TCAF2: variants seen among roughly 807,000 people sequenced by gnomAD.
TCAF2 encodes TRPM8 channel associated factor 2, also known as TRPM8 channel-associated factor 2.
A neutral mutation model predicts 33.9 loss-of-function variants in TCAF2; 6 were observed. The ratio of observed to expected loss-of-function variants is 0.18; its 90% confidence interval spans 0.10 to 0.35. The LOEUF (loss-of-function observed/expected upper bound fraction) is 0.35, where lower values mean the gene tolerates loss of function less well. TCAF2 is among the 10% of genes least tolerant of loss of function. The probability of loss-of-function intolerance (pLI) is 1.00; values close to 1 mark genes in which losing one functional copy is unlikely to be tolerated. For missense variants in TCAF2, 109 were observed against 604.0 expected, an observed-to-expected ratio of 0.18 and a Z score of 8.59; for synonymous variants, 41 against 247.8, an observed-to-expected ratio of 0.17 and a Z score of 7.84.
intron 7 of TCAF2, 172 bp downstream of exon 7, chr7:143,724,869 C>G: frequency 1.4e-6 from 2 of 1,475,736 alleles, no homozygotes; most frequent in South Asian, 2.9e-5. Flanking sequence ...TTATACCCCT[C>G]TAAGGCAGAG....
At position 143,721,098 on chromosome 7, in the gene TCAF2, G is replaced by A. The variant is rs1181011373; in HGVS notation, c.1616-183G>A. The stretch of plus-strand genomic sequence containing the variant: ...CCCAGCTGACTCCATTCTTCATCAG[G>A]TACTTTCAAGAAGATGGGGATTGGG... On this transcript the variant is annotated intron_variant, in intron 3 of 7. Transcript: ENST00000684770. 7 of 368,212 alleles carry A rather than the reference G, an allele frequency of 1.9e-5. 2 individuals carry two copies. The highest frequency in any genetic ancestry group is 1.7e-4 in the Admixed American group (3 of 18,134). The allele number at this position is 368,212 out of a possible 1,614,324, so 22.8% of individuals were successfully genotyped here.
In TCAF2 at chr7:143,729,767, C is replaced by A. The variant is rs1809772767; in HGVS notation, c.*2100C>A. The A allele has an allele frequency of 6.6e-6, 1 of 152,136 alleles. No individual in the cohort carries two copies. Among genetic ancestry groups the A allele is most frequent in the Non-Finnish European group, 1.5e-5 (1 of 68,024 alleles). 9.4% of individuals were successfully genotyped at this position (152,136 alleles called of 1,614,324 possible). A position where few individuals can be genotyped will look rare whatever the true frequency, so the allele number is the denominator to read the frequency against. ...CTAATGCTCTCCCTCCCATTGCCCC[C>A]AACCTCCCGACAGGCCCCAGTGTGA... On this transcript the variant is annotated 3_prime_UTR_variant, in exon 8 of 8. Transcript: ENST00000684770.
At chr7:143,718,748 GTGT>G (rs1563174354) in intron 2 of TCAF2, among the ~76,000 whole-genome samples, 1 of 90,618 alleles carries the variant, frequency 1.1e-5, no homozygotes, top group Non-Finnish European at 2.2e-5. Flanking sequence ...TTCAAGCGTA[GTGT>G]TAAACAATTT....
In TCAF2 at chr7:143,646,594, C is replaced by T. The variant is rs1445167880; in HGVS notation, c.-12+25574C>T. 6.1e-6 allele frequency: 2 copies of T among 328,614 alleles called. 1 individual carries two copies. The highest frequency in any genetic ancestry group is 7.6e-6 in the Non-Finnish European group (2 of 264,650). 20.4% of individuals were successfully genotyped at this position (328,614 alleles called of 1,614,324 possible). A position where few individuals can be genotyped will look rare whatever the true frequency, so the allele number is the denominator to read the frequency against. ...GTACCTGCAATGTCCTGTGTAGTGT[C>T]AGCCAATCCCACTTTCCCCTACATC... On this transcript the variant is annotated intron_variant, in intron 1 of 7. Transcript: ENST00000684770.
rs907426104 is a variant in TCAF2 at position 143,727,977 on chromosome 7, G to A, written c.*310G>A. 1 of 163,474 alleles carries A rather than the reference G, an allele frequency of 6.1e-6. No homozygotes were observed. Among genetic ancestry groups the A allele is most frequent in the Admixed American group, 5.9e-5 (1 of 17,086 alleles). 10.1% of individuals were successfully genotyped at this position (163,474 alleles called of 1,614,324 possible). A position where few individuals can be genotyped will look rare whatever the true frequency, so the allele number is the denominator to read the frequency against. On this transcript the variant is annotated 3_prime_UTR_variant, in exon 8 of 8. Coordinates refer to ENST00000684770, the MANE Select transcript of TCAF2 (RefSeq NM_001363538.2). ...TTTGACCAATAGCTCTAAAGACCAC[G>A]GGTTCCCATAACAACCTGATATCCC...
chr7:143,721,217 G>C (rs2116523100), intron 3 of TCAF2, 64 bp from the exon 4 acceptor site: 1 of 393,124 alleles, frequency 2.5e-6, no homozygotes, highest in East Asian at 4.5e-5. Context: ...GGGCTGGGAG[G>C]CCCCAAGTGG....
In TCAF2 at chr7:143,728,768, C is replaced by G. The variant is rs781705020; in HGVS notation, c.*1101C>G. On this transcript the variant is annotated 3_prime_UTR_variant, in exon 8 of 8. Coordinates refer to ENST00000684770, the MANE Select transcript of TCAF2 (RefSeq NM_001363538.2). ...CACCCCAGCATCCCCTGAGCTTTCT[C>G]TTAATCTCATTCTAGCCCATCTTGA... The G allele has an allele frequency of 6.6e-6, 1 of 152,248 alleles. No homozygotes were observed. Among genetic ancestry groups the G allele is most frequent in the Non-Finnish European group, 1.5e-5 (1 of 68,086 alleles). 9.4% of individuals were successfully genotyped at this position (152,248 alleles called of 1,614,324 possible). A position where few individuals can be genotyped will look rare whatever the true frequency, so the allele number is the denominator to read the frequency against.
Position 143,729,360 on chromosome 7 carries a change from A to G in TCAF2, c.*1693A>G, listed in dbSNP as rs1809759015. ...ACATTGTGGAACTTATTCTTCATGA[A>G]TGGTTTACAATTTAAACAAAATGTC... is the stretch of plus-strand genomic sequence containing the variant. On this transcript the variant is annotated 3_prime_UTR_variant, in exon 8 of 8. Transcript: ENST00000684770. 6.6e-6 allele frequency: 1 copy of G among 152,226 alleles called. No homozygotes were observed. The highest frequency in any genetic ancestry group is 2.1e-4 in the South Asian group (1 of 4,828). The allele number at this position is 152,226 out of a possible 1,614,324, so 9.4% of individuals were successfully genotyped here.
At chr7:143,725,490 A>C (rs1809657821) in intron 7 of TCAF2, among the ~76,000 whole-genome samples, 3 of 151,870 alleles carry the variant, frequency 2.0e-5, no homozygotes, top group African/African-American at 7.3e-5. Flanking sequence ...GAATTTAAGC[A>C]ATCTCTCCAG....
intron 4 of TCAF2, among the ~76,000 whole-genome samples, chr7:143,721,811 AAAGG>A (rs1809563670): frequency 6.8e-6 from 1 of 148,104 alleles, no homozygotes; most frequent in African/African-American, 2.6e-5. Flanking sequence ...GACAGAAAGA[AAAGG>A]AAGGGCTGGA....
Position 143,622,602 on chromosome 7 carries a change from ATTT to A in TCAF2, c.-12+1584_-12+1586del, listed in dbSNP as rs1237431887. On this transcript the variant is annotated intron_variant, in intron 1 of 7. Coordinates refer to ENST00000684770, the MANE Select transcript of TCAF2 (RefSeq NM_001363538.2). Reference sequence around the variant, plus strand: ...ACTTTATTTTATTTTATTTTATTTTATTTTATTTTTTGAGGCAGAGTCTTGTTC... The same window carrying A: ...ACTTTATTTTATTTTATTTTATTTTATATTTTTTGAGGCAGAGTCTTGTTC... Among the ~76,000 whole-genome samples the A allele has an allele frequency of 1.2e-3, 43 of 37,206 alleles. 4 individuals are homozygous for A. The highest frequency in any genetic ancestry group is 3.0e-3 in the African/African-American group (43 of 14,374). 24.4% of individuals were successfully genotyped at this position (37,206 alleles called of 152,430 possible).
At chr7:143,634,816 A>G (rs1461315190) in intron 1 of TCAF2, among the ~76,000 whole-genome samples, 1 of 104,706 alleles carries the variant, frequency 9.6e-6, no homozygotes, top group Non-Finnish European at 2.0e-5. Flanking sequence ...CTGATTATCA[A>G]TGCCCATATT....
chr7:143,724,479 C>A lies in TCAF2; in HGVS notation c.2287C>A (p.Gln763Lys), dbSNP rs774629262. The A allele has an allele frequency of 9.3e-6, 15 of 1,610,978 alleles. No individual in the cohort carries two copies. The East Asian group carries it at 3.1e-4, about 34-fold the overall frequency. The change falls in exon 7 of 8, where the codon CAA becomes AAA. Residue 763 changes from glutamine to lysine, a missense_variant. Physicochemically the swap from Gln to Lys is moderately conservative, Grantham distance 53. Coordinates refer to ENST00000684770, the MANE Select transcript of TCAF2 (RefSeq NM_001363538.2). ...CCCCATCCATGAGCTGGGCCACAACCAACAGCGGCATGGATGGGAGTTCCC... is the reference window on the plus strand; with the variant it reads ...CCCCATCCATGAGCTGGGCCACAACAAACAGCGGCATGGATGGGAGTTCCC... ...WGPIHELGHNQQRHGWEFPPH... is the reference protein window; with the variant it reads ...WGPIHELGHNKQRHGWEFPPH...
At chr7:143,707,614 GAAAGGC>G (rs1362221710) in intron 2 of TCAF2, among the ~76,000 whole-genome samples, 2 of 127,180 alleles carry the variant, frequency 1.6e-5, no homozygotes, top group African/African-American at 6.5e-5. Flanking sequence ...TGAAAACCTG[GAAAGGC>G]AAATTGATTG....
Position 143,728,592 on chromosome 7 carries a change from T to C in TCAF2, c.*925T>C, listed in dbSNP as rs1369018870. On this transcript the variant is annotated 3_prime_UTR_variant, in exon 8 of 8. Transcript: ENST00000684770. ...AGCTGCTACTAAGTCTATATGCCCA[T>C]TCGTTCATACCACAAAACAGGCATC... 6.6e-6 allele frequency: 1 copy of C among 152,110 alleles called. No homozygotes were observed. Among genetic ancestry groups the C allele is most frequent in the African/African-American group, 2.4e-5 (1 of 41,416 alleles). 9.4% of individuals were successfully genotyped at this position (152,110 alleles called of 1,614,324 possible).
At chr7:143,718,549 A>G (rs1276564602) in intron 2 of TCAF2, among the ~76,000 whole-genome samples, 2 of 151,696 alleles carry the variant, frequency 1.3e-5, no homozygotes, top group Admixed American at 1.3e-4. Flanking sequence ...TCTATTGTTA[A>G]CCATAATTTA....
chr7:143,725,401 A>T (rs1809655658), intron 7 of TCAF2, among the ~76,000 whole-genome samples: 1 of 151,886 alleles, frequency 6.6e-6, no homozygotes, highest in African/African-American at 2.4e-5. Flanking sequence ...CCCCTTTCAG[A>T]TCTCCTGCAA....
rs955216013 is a variant in TCAF2 at position 143,728,500 on chromosome 7, T to C, written c.*833T>C. The C allele has an allele frequency of 1.3e-5, 2 of 152,192 alleles. No homozygotes were observed. Among genetic ancestry groups the C allele is most frequent in the African/African-American group, 4.8e-5 (2 of 41,422 alleles). The allele number at this position is 152,192 out of a possible 1,614,324, so 9.4% of individuals were successfully genotyped here. A position where few individuals can be genotyped will look rare whatever the true frequency, so the allele number is the denominator to read the frequency against. On this transcript the variant is annotated 3_prime_UTR_variant, in exon 8 of 8. Transcript: ENST00000684770. The stretch of plus-strand genomic sequence containing the variant: ...GTCACAGAGCTGTGAGGTTGGGTCT[T>C]TGGGATTAGCTTCATTTTCCAGGGT...
rs1809748891 is a variant in TCAF2, at chr7:143,728,928, A to G, written c.*1261A>G. On this transcript the variant is annotated 3_prime_UTR_variant, in exon 8 of 8. Transcript: ENST00000684770. The stretch of plus-strand genomic sequence containing the variant: ...ATATCATTCCTTAGGCTATGTTGAG[A>G]GTAGAGTGGCTTCCCATTAGGAGAA... The G allele has an allele frequency of 6.6e-6, 1 of 152,172 alleles. No individual in the cohort carries two copies. Among genetic ancestry groups the G allele is most frequent in the South Asian group, 2.1e-4 (1 of 4,824 alleles). 9.4% of individuals were successfully genotyped at this position (152,172 alleles called of 1,614,324 possible).
Sources: gnomAD v4.1 joint callset for allele counts (sites outside exome capture counted in the v4.1 genomes callset) on GRCh38, gnomAD v4.1.1 for gene constraint, MANE v1.5 for transcripts, NCBI Gene and HGNC (gene_info 2026-07-23, HGNC 2026-07-21) for gene names.